TMEM248: variants seen among roughly 807,000 people sequenced by gnomAD.
TMEM248 encodes the protein UPF0458 protein C7orf42.
A neutral mutation model predicts 30.3 loss-of-function variants in TMEM248; 9 were observed. That is an observed-to-expected ratio of 0.30 (90% CI 0.18 to 0.52). The LOEUF is 0.52. Among genes scored for constraint, TMEM248 ranks in the 20% least tolerant of loss-of-function variants. The pLI, the probability that TMEM248 is intolerant of heterozygous loss-of-function variation, is 0.97. For synonymous variants in TMEM248, 184 were observed against 154.4 expected (o/e 1.19, Z -1.42); for missense variants, 338 against 403.3 (o/e 0.84, Z 1.39).
At chr7:66,944,029 A>G (rs1388159776) in intron 2 of TMEM248, among the ~76,000 whole-genome samples, 1 of 151,664 alleles carries the variant, frequency 6.6e-6, no homozygotes, top group Non-Finnish European at 1.5e-5. Flanking sequence ...TCCTGGCCTC[A>G]AGTGATCCAC....
intron 1 of TMEM248, among the ~76,000 whole-genome samples, chr7:66,936,619 C>T (rs577039796): frequency 1.3e-5 from 2 of 152,008 alleles, no homozygotes; most frequent in Admixed American, 6.6e-5. Flanking sequence ...AGATAGTTTA[C>T]GTAGGATTGG....
chr7:66,928,265 C>A (rs1791574349), intron 1 of TMEM248, among the ~76,000 whole-genome samples: 1 of 151,406 alleles, frequency 6.6e-6, no homozygotes, highest in African/African-American at 2.4e-5. Flanking sequence ...AAAAGTTGAT[C>A]TCTTACTTGT....
chr7:66,952,442 A>G (rs943933875), intron 5 of TMEM248, among the ~76,000 whole-genome samples: 2 of 152,146 alleles, frequency 1.3e-5, no homozygotes, highest in Non-Finnish European at 2.9e-5. Context: ...GTCAGGCTGG[A>G]TGGTGGGCTG....
chr7:66,924,993 G>A (rs1277569412), intron 1 of TMEM248, among the ~76,000 whole-genome samples: 3 of 152,122 alleles, frequency 2.0e-5, no homozygotes, highest in Non-Finnish European at 2.9e-5. Context: ...ACAGGCGTGA[G>A]CCACCAGCCC....
At chr7:66,929,973 A>C (rs1457428192) in intron 1 of TMEM248, among the ~76,000 whole-genome samples, 1 of 151,964 alleles carries the variant, frequency 6.6e-6, no homozygotes, top group Non-Finnish European at 1.5e-5. Flanking sequence ...CAGCCTGGGC[A>C]ACATGGCAAA....
chr7:66,938,482 A>G (rs1791861614), intron 1 of TMEM248, among the ~76,000 whole-genome samples: 2 of 152,150 alleles, frequency 1.3e-5, no homozygotes, highest in African/African-American at 4.8e-5. Flanking sequence ...AATACTATTA[A>G]AAATATCAAG....
intron 4 of TMEM248, among the ~76,000 whole-genome samples, chr7:66,950,122 A>G (rs1305741971): frequency 6.6e-6 from 1 of 151,710 alleles, no homozygotes; most frequent in Non-Finnish European, 1.5e-5. Flanking sequence ...GCTACTTGAG[A>G]GGCTGAGGCA....
chr7:66,957,580 C>T lies in TMEM248; in HGVS notation c.*2058C>T, dbSNP rs1180064945. ...GAAACGTCATTATCATTAGGACCATCAGATTTTAGATTAAGCTGCTATTGA... is the reference window on the plus strand; with the variant it reads ...GAAACGTCATTATCATTAGGACCATTAGATTTTAGATTAAGCTGCTATTGA... On this transcript the variant is annotated 3_prime_UTR_variant, in exon 7 of 7. Transcript: ENST00000341567. 1 of 152,160 alleles carries T rather than the reference C, an allele frequency of 6.6e-6. No homozygotes were observed. Among genetic ancestry groups the T allele is most frequent in the African/African-American group, 2.4e-5 (1 of 41,418 alleles). The allele number at this position is 152,160 out of a possible 1,614,324, so 9.4% of individuals were successfully genotyped here. A position where few individuals can be genotyped will look rare whatever the true frequency, so the allele number is the denominator to read the frequency against.
At position 66,926,073 on chromosome 7, in the gene TMEM248, CCT is replaced by C. The variant is rs1257602013; in HGVS notation, c.-19+4613_-19+4614del. 2.0e-5 allele frequency among the ~76,000 whole-genome samples: 3 copies of C among 152,300 alleles called. No homozygotes were observed. The East Asian group carries it at 5.8e-4, about 29-fold the overall frequency. On this transcript the variant is annotated intron_variant, in intron 1 of 6. Coordinates refer to ENST00000341567, the MANE Select transcript of TMEM248 (RefSeq NM_017994.5). ...TTTGTTTTTCTTTGATAAAAGTCAT[CCT>C]GACAGGCGCGAGATGATATCTCATT...
At chr7:66,929,426 ATT>A (rs35126436) in intron 1 of TMEM248, among the ~76,000 whole-genome samples, 299 of 97,646 alleles carry the variant, frequency 3.1e-3, no homozygotes, top group Middle Eastern at 6.8e-3. Context: ...TGAGAGACAA[ATT>A]TTTTTTTTTT....
chr7:66,944,100 T>C (rs1435330164), intron 2 of TMEM248, among the ~76,000 whole-genome samples: 2 of 131,800 alleles, frequency 1.5e-5, no homozygotes, highest in East Asian at 2.4e-4. Context: ...TGGCCTCAGA[T>C]GGCTTTTTTT....
intron 1 of TMEM248, chr7:66,930,953 CTCT>C (rs1791647449): frequency 6.6e-6 from 1 of 152,642 alleles, no homozygotes; most frequent in Admixed American, 6.6e-5. Context: ...CTCCCATCCT[CTCT>C]TCCTCAACTT....
At chr7:66,924,567 G>T (rs1190344885) in intron 1 of TMEM248, among the ~76,000 whole-genome samples, 1 of 152,142 alleles carries the variant, frequency 6.6e-6, no homozygotes, top group Non-Finnish European at 1.5e-5. Context: ...ACCATGCCTG[G>T]CTAATTTTTC....
chr7:66,938,693 A>C (rs1791866871), intron 1 of TMEM248, among the ~76,000 whole-genome samples: 1 of 152,104 alleles, frequency 6.6e-6, no homozygotes, highest in African/African-American at 2.4e-5. Context: ...TTTTTCATAG[A>C]GACGGGGTTT....
intron 3 of TMEM248, among the ~76,000 whole-genome samples, chr7:66,946,118 C>G (rs1792098601): frequency 6.7e-6 from 1 of 148,158 alleles, no homozygotes; most frequent in Non-Finnish European, 1.5e-5. Flanking sequence ...GCTGGGCATG[C>G]AGGCATGGTG....
chr7:66,933,654 A>G (rs1464079503), intron 1 of TMEM248, among the ~76,000 whole-genome samples: 1 of 152,304 alleles, frequency 6.6e-6, no homozygotes, highest in South Asian at 2.1e-4. Flanking sequence ...TGCTAGAGAT[A>G]TCTTTGGGAT....
At chr7:66,943,654 CT>C (rs1275374909) in intron 2 of TMEM248, among the ~76,000 whole-genome samples, 102 of 152,176 alleles carry the variant, frequency 6.7e-4, no homozygotes, top group Admixed American at 2.2e-3. Flanking sequence ...CCCTAATGTA[CT>C]AGAATGGTCA....
At chr7:66,930,791 T>C (rs763361609) in intron 1 of TMEM248, 1 of 152,634 alleles carries the variant, frequency 6.6e-6, no homozygotes, top group Non-Finnish European at 1.5e-5. Flanking sequence ...TCAGGGTTTG[T>C]AACCCCGGCC....
Position 66,955,928 on chromosome 7 carries a change from T to A in TMEM248, c.*406T>A, listed in dbSNP as rs749540083. 4.3e-5 allele frequency: 8 copies of A among 187,418 alleles called. No individual in the cohort carries two copies. Among genetic ancestry groups the A allele is most frequent in the Non-Finnish European group, 7.6e-5 (7 of 91,758 alleles). The allele number at this position is 187,418 out of a possible 1,614,324, so 11.6% of individuals were successfully genotyped here. A position where few individuals can be genotyped will look rare whatever the true frequency, so the allele number is the denominator to read the frequency against. On this transcript the variant is annotated 3_prime_UTR_variant, in exon 7 of 7. Coordinates refer to ENST00000341567, the MANE Select transcript of TMEM248 (RefSeq NM_017994.5). ...TTTCAGCCCAATATGTAGAGAACAT[T>A]TGAAACAGTCTGCACCTTTGATACG...
Sources: allele counts gnomAD v4.1 joint callset (sites outside exome capture counted in the v4.1 genomes callset), GRCh38; gene constraint gnomAD v4.1.1; transcripts MANE v1.5; gene names NCBI Gene and HGNC (gene_info 2026-07-23, HGNC 2026-07-21).